The following ENPP3 variants were observed in gnomAD, a reference collection of about 807,000 sequenced individuals.
ENPP3 encodes the protein ectonucleotide pyrophosphatase/phosphodiesterase family member 3.
ENPP3 carries 104 observed loss-of-function variants against 117.8 expected under a neutral mutation model. The ratio of observed to expected loss-of-function variants is 0.88; its 90% CI spans 0.75 to 1.04. ENPP3 has a LOEUF of 1.04. Ranked by LOEUF, ENPP3 falls within the 50% of genes least tolerant of loss-of-function variation. The pLI is 0.00. For synonymous variants in ENPP3, 380 were observed against 349.9 expected (o/e 1.09, Z -0.96); for missense variants, 1,026 against 1,051.9 (o/e 0.98, Z 0.34).
intron 1 of ENPP3, among the ~76,000 whole-genome samples, chr6:131,638,875 C>A (rs975206543): frequency 2.6e-5 from 4 of 151,914 alleles, no homozygotes; most frequent in Non-Finnish European, 5.9e-5. Flanking sequence ...GTTGCCCAGG[C>A]TGGTCTTGAA....
At chr6:131,741,657 GA>G (rs989403138) in intron 24 of ENPP3, among the ~76,000 whole-genome samples, 1 of 152,112 alleles carries the variant, frequency 6.6e-6, no homozygotes, top group African/African-American at 2.4e-5. Context: ...ACCCCAAAAG[GA>G]AACTCAAAGA....
Position 131,670,922 on chromosome 6 carries a change from A to T in ENPP3, c.563-326A>T, listed in dbSNP as rs540436289. Among the ~76,000 whole-genome samples the T allele has an allele frequency of 2.0e-5, 3 of 152,276 alleles. No homozygotes were observed. The South Asian group carries it at 6.2e-4, about 32-fold the overall frequency. ...CATGACCATATTCATTTGTTTATTT[A>T]TTGTCTATGGATGCTTTGGGGCCTC... On this transcript the variant is annotated intron_variant, in intron 6 of 24. Coordinates refer to ENST00000357639, the MANE Select transcript of ENPP3 (RefSeq NM_005021.5).
intron 9 of ENPP3, among the ~76,000 whole-genome samples, chr6:131,675,570 G>A (rs939557679): frequency 1.3e-5 from 2 of 152,176 alleles, no homozygotes; most frequent in African/African-American, 2.4e-5. Flanking sequence ...GCTCATGCCT[G>A]TAATCCCAGC....
At chr6:131,739,317 C>T (rs375459737) in intron 23 of ENPP3, among the ~76,000 whole-genome samples, 19 of 152,006 alleles carry the variant, frequency 1.2e-4, no homozygotes, top group African/African-American at 4.6e-4. Context: ...TATCTGAAAC[C>T]GAAGTACTGT....
intron 5 of ENPP3, 56 bp from the exon 6 acceptor site, chr6:131,658,267 T>G: frequency 1.1e-6 from 1 of 929,042 alleles, no homozygotes; most frequent in South Asian, 1.3e-5. Context: ...TTGCAATGCT[T>G]TTGAGGTAAA....
At chr6:131,678,949 C>CT in intron 11 of ENPP3, among the ~76,000 whole-genome samples, 1 of 102,248 alleles carries the variant, frequency 9.8e-6, no homozygotes, top group South Asian at 3.3e-4. Flanking sequence ...TTCTTTCTTT[C>CT]TTTCTTTCTT....
intron 15 of ENPP3, 77 bp from the exon 16 acceptor site, chr6:131,718,595 A>G (rs1440984043): frequency 7.6e-6 from 5 of 653,696 alleles, no homozygotes; most frequent in African/African-American, 1.9e-5. Flanking sequence ...CAGAAACTAT[A>G]TAAAATTAGT....
At chr6:131,671,129 T>C in intron 6 of ENPP3, 119 bp from the exon 7 acceptor site, 1 of 683,856 alleles carries the variant, frequency 1.5e-6, no homozygotes, top group Non-Finnish European at 2.6e-6. Flanking sequence ...CTTTCCATCT[T>C]TAATCCACTT....
chr6:131,658,440 T>A lies in ENPP3; in HGVS notation c.562+20T>A. The A allele has an allele frequency of 7.9e-7, 1 of 1,272,388 alleles. No homozygotes were observed. The highest frequency in any genetic ancestry group is 1.2e-5 in the South Asian group (1 of 82,972). 78.8% of individuals were successfully genotyped at this position (1,272,388 alleles called of 1,614,324 possible). On this transcript the variant is annotated intron_variant, in intron 6 of 24. Coordinates refer to ENST00000357639, the MANE Select transcript of ENPP3 (RefSeq NM_005021.5). ...AACTGAGTAAGTCTTCTGTAACTAG[T>A]GGCATGCAAATGATAAAGACACCTA... is the stretch of plus-strand genomic sequence containing the variant.
At chr6:131,643,534 T>C (rs1778094707) in intron 2 of ENPP3, among the ~76,000 whole-genome samples, 1 of 152,148 alleles carries the variant, frequency 6.6e-6, no homozygotes, top group African/African-American at 2.4e-5. Flanking sequence ...TTTGCCAGCA[T>C]CCTTAACATA....
intron 15 of ENPP3, among the ~76,000 whole-genome samples, chr6:131,694,841 C>CAA (rs10535185): frequency 5.1e-5 from 5 of 97,534 alleles, no homozygotes; most frequent in Non-Finnish European, 1.2e-4. Context: ...TTGATTCCAT[C>CAA]AAAAAAAAAA....
chr6:131,669,013 A>G (rs901584856), intron 6 of ENPP3, among the ~76,000 whole-genome samples: 1 of 152,156 alleles, frequency 6.6e-6, no homozygotes, highest in African/African-American at 2.4e-5. Flanking sequence ...TGCTTTTACA[A>G]TACCGGTAGC....
intron 18 of ENPP3, among the ~76,000 whole-genome samples, chr6:131,723,491 T>C (rs1481585807): frequency 6.6e-6 from 1 of 152,164 alleles, no homozygotes; most frequent in African/African-American, 2.4e-5. Flanking sequence ...AGAAGTTAGA[T>C]AAATTGTTCG....
intron 2 of ENPP3, among the ~76,000 whole-genome samples, chr6:131,644,105 AG>A (rs1406988961): frequency 2.0e-5 from 3 of 152,196 alleles, no homozygotes; most frequent in Non-Finnish European, 4.4e-5. Flanking sequence ...GTTCCATTTA[AG>A]GAATAACAAA....
intron 8 of ENPP3, chr6:131,674,551 C>T: frequency 4.4e-6 from 2 of 455,648 alleles, no homozygotes; most frequent in East Asian, 4.3e-5. Flanking sequence ...AATGTTTTTC[C>T]TCATTTTGTT....
chr6:131,724,512 A>G (rs75000659), intron 19 of ENPP3, among the ~76,000 whole-genome samples: 92 of 152,312 alleles, frequency 6.0e-4, no homozygotes, highest in African/African-American at 1.8e-3. Flanking sequence ...TTAAAAAGTT[A>G]ATACATGGAA....
chr6:131,727,677 C>T (rs530680290), intron 20 of ENPP3, among the ~76,000 whole-genome samples: 1 of 151,986 alleles, frequency 6.6e-6, no homozygotes, highest in East Asian at 1.9e-4. Context: ...TAGAATTGTC[C>T]AGTAAGTGCT....
intron 15 of ENPP3, among the ~76,000 whole-genome samples, chr6:131,717,371 T>TATTTGCCCTTGGG: frequency 7.0e-6 from 1 of 143,476 alleles, no homozygotes; most frequent in African/African-American, 2.8e-5. Flanking sequence ...TGTGTGTGTG[T>TATTTGCCCTTGGG]GTGTGTGTGT....
At chr6:131,740,844 CTT>C (rs1243440251) in intron 24 of ENPP3, among the ~76,000 whole-genome samples, 3 of 152,270 alleles carry the variant, frequency 2.0e-5, no homozygotes, top group East Asian at 1.9e-4. Flanking sequence ...TTCTAGCTAT[CTT>C]GAAATATACA....
Sources: gnomAD v4.1 joint callset for allele counts (sites outside exome capture counted in the v4.1 genomes callset) on GRCh38, gnomAD v4.1.1 for gene constraint, MANE v1.5 for transcripts, NCBI Gene and HGNC (gene_info 2026-07-23, HGNC 2026-07-21) for gene names.